The following CDH12 variants were observed in gnomAD, a reference collection of about 807,000 sequenced individuals.
CDH12 encodes the protein cadherin 12, also known as cadherin-12.
In CDH12, 41 loss-of-function variants were observed where a neutral mutation model predicts 74.1. The ratio of observed to expected loss-of-function variants is 0.55; its 90% CI spans 0.43 to 0.72. The LOEUF (loss-of-function observed/expected upper bound fraction) is 0.72, where lower values mean the gene tolerates loss of function less well. CDH12 is among the 30% of genes least tolerant of loss of function. The pLI is 0.00. For missense variants in CDH12, 945 were observed against 977.2 expected (o/e 0.97, Z 0.44); for synonymous variants, 399 against 355.0 (o/e 1.12, Z -1.39).
chr5:22,074,143 C>G (rs146137314), intron 5 of CDH12, among the ~76,000 whole-genome samples: 19 of 152,172 alleles, frequency 1.2e-4, no homozygotes, highest in African/African-American at 4.6e-4. Context: ...GAACAGAGCC[C>G]TCAGAAATAA....
At chr5:22,766,160 A>G (rs1341536283) in intron 1 of CDH12, among the ~76,000 whole-genome samples, 2 of 152,058 alleles carry the variant, frequency 1.3e-5, no homozygotes, top group African/African-American at 4.8e-5. Flanking sequence ...AACTCAAACA[A>G]TAATTGTGAG....
intron 1 of CDH12, among the ~76,000 whole-genome samples, chr5:22,520,367 T>A (rs144632354): frequency 5.8e-4 from 89 of 152,288 alleles, no homozygotes; most frequent in African/African-American, 1.9e-3. Context: ...TAGATAAATA[T>A]GCATGCAACA....
chr5:21,800,060 T>C (rs768879808), intron 10 of CDH12, among the ~76,000 whole-genome samples: 9 of 152,180 alleles, frequency 5.9e-5, no homozygotes, highest in Non-Finnish European at 1.0e-4. Context: ...ATTGGACCTC[T>C]CACCCCTCTC....
At chr5:22,511,268 A>G (rs909873579) in intron 1 of CDH12, among the ~76,000 whole-genome samples, 1 of 152,230 alleles carries the variant, frequency 6.6e-6, no homozygotes, top group Non-Finnish European at 1.5e-5. Flanking sequence ...TTGAATTAAA[A>G]TTAAAATCAT....
intron 1 of CDH12, among the ~76,000 whole-genome samples, chr5:22,553,224 A>T (rs2126736842): frequency 6.6e-6 from 1 of 152,326 alleles, no homozygotes. Context: ...TGATAATTTA[A>T]ACATTGGAAA....
chr5:22,099,078 C>A (rs1239811581), intron 4 of CDH12, among the ~76,000 whole-genome samples: 3 of 152,244 alleles, frequency 2.0e-5, no homozygotes, highest in African/African-American at 7.2e-5. Flanking sequence ...CTTTACTCAA[C>A]ATGCCCCAAG....
At chr5:22,202,647 G>C (rs1750990666) in intron 4 of CDH12, among the ~76,000 whole-genome samples, 1 of 152,124 alleles carries the variant, frequency 6.6e-6, no homozygotes, top group East Asian at 1.9e-4. Flanking sequence ...GGGAGGATGT[G>C]AACACTTGTC....
At chr5:22,007,451 CT>C (rs1227561469) in intron 5 of CDH12, among the ~76,000 whole-genome samples, 2 of 137,472 alleles carry the variant, frequency 1.5e-5, no homozygotes, top group South Asian at 2.4e-4. Flanking sequence ...AGATATACAA[CT>C]TTTTTTTAGT....
chr5:22,573,601 T>G (rs1213975965), intron 1 of CDH12, among the ~76,000 whole-genome samples: 1 of 152,204 alleles, frequency 6.6e-6, no homozygotes, highest in African/African-American at 2.4e-5. Flanking sequence ...ATTAAAATTT[T>G]AGTTTCAATT....
chr5:21,832,932 T>C (rs1579793726), intron 8 of CDH12, among the ~76,000 whole-genome samples: 1 of 72,350 alleles, frequency 1.4e-5, no homozygotes, highest in East Asian at 3.7e-4. Context: ...ATATATCATA[T>C]ATTATATATA....
intron 1 of CDH12, among the ~76,000 whole-genome samples, chr5:22,579,028 A>G (rs1031760941): frequency 2.0e-5 from 3 of 152,184 alleles, no homozygotes; most frequent in Non-Finnish European, 2.9e-5. Context: ...GAGATATAAC[A>G]AAGGCCTACG....
chr5:22,762,382 CTCAG>C (rs1333526408), intron 1 of CDH12, among the ~76,000 whole-genome samples: 2 of 152,012 alleles, frequency 1.3e-5, no homozygotes, highest in Non-Finnish European at 2.9e-5. Flanking sequence ...AGATTTAATT[CTCAG>C]TCATTCTTAA....
At chr5:22,672,127 T>A (rs1157758477) in intron 1 of CDH12, among the ~76,000 whole-genome samples, 3 of 143,728 alleles carry the variant, frequency 2.1e-5, no homozygotes, top group South Asian at 2.1e-4. Context: ...ATATATTATT[T>A]TATATATAAA....
At chr5:22,780,396 A>C (rs552429105) in intron 1 of CDH12, among the ~76,000 whole-genome samples, 1 of 152,280 alleles carries the variant, frequency 6.6e-6, no homozygotes, top group African/African-American at 2.4e-5. Context: ...TGGGTAATTT[A>C]CAAAGAAAAG....
intron 1 of CDH12, among the ~76,000 whole-genome samples, chr5:22,687,558 C>A (rs1199795993): frequency 6.6e-6 from 1 of 152,008 alleles, no homozygotes; most frequent in Non-Finnish European, 1.5e-5. Flanking sequence ...CAGGCACAAG[C>A]CACCAATGCC....
intron 4 of CDH12, among the ~76,000 whole-genome samples, chr5:22,162,766 C>G (rs1748435139): frequency 6.6e-6 from 1 of 152,134 alleles, no homozygotes; most frequent in Non-Finnish European, 1.5e-5. Flanking sequence ...GTACTGGACC[C>G]ATAATTTAGC....
intron 1 of CDH12, among the ~76,000 whole-genome samples, chr5:22,519,203 C>A (rs1462182182): frequency 2.0e-5 from 3 of 152,094 alleles, no homozygotes; most frequent in African/African-American, 4.8e-5. Context: ...AGAGCAAAGG[C>A]CTCCCTTGCC....
chr5:22,433,862 G>C (rs1369594121), intron 2 of CDH12, among the ~76,000 whole-genome samples: 1 of 152,146 alleles, frequency 6.6e-6, no homozygotes, highest in South Asian at 2.1e-4. Context: ...GTTGTAGCAT[G>C]AGGATTAAAA....
At chr5:22,345,949 CA>C (rs1740090988) in intron 3 of CDH12, among the ~76,000 whole-genome samples, 1 of 151,794 alleles carries the variant, frequency 6.6e-6, no homozygotes, top group East Asian at 2.0e-4. Context: ...ACTAAAAATA[CA>C]AAAAAATTAG....
Sources: allele counts gnomAD v4.1 joint callset (sites outside exome capture counted in the v4.1 genomes callset), GRCh38; gene constraint gnomAD v4.1.1; transcripts MANE v1.5; gene names NCBI Gene and HGNC (gene_info 2026-07-23, HGNC 2026-07-21).